The following THSD7A variants were observed in gnomAD, a reference collection of about 807,000 sequenced individuals.
THSD7A encodes the protein thrombospondin type-1 domain-containing protein 7A.
THSD7A carries 96 observed loss-of-function variants against 231.3 expected under a neutral mutation model. The ratio of observed to expected loss-of-function variants is 0.41; its 90% CI spans 0.35 to 0.49. The LOEUF is 0.49. THSD7A is among the 20% of genes least tolerant of loss of function. THSD7A has a pLI of 0.05. For missense variants in THSD7A, 2,290 were observed against 2,070.2 expected (o/e 1.11, Z -2.06); for synonymous variants, 940 against 743.3 (o/e 1.26, Z -4.30).
At chr7:11,407,639 T>C (rs141248089) in intron 19 of THSD7A, among the ~76,000 whole-genome samples, 1,778 of 152,322 alleles carry the variant, frequency 0.012, 83 homozygotes, top group Admixed American at 0.076. Context: ...AAGGGGCCCA[T>C]TGAATCTATA....
intron 6 of THSD7A, among the ~76,000 whole-genome samples, chr7:11,504,852 T>C (rs1299717463): frequency 6.6e-6 from 1 of 151,980 alleles, no homozygotes; most frequent in Non-Finnish European, 1.5e-5. Context: ...ATTGCATTTA[T>C]TTGTAAATTT....
intron 6 of THSD7A, among the ~76,000 whole-genome samples, chr7:11,526,925 TTCTC>T (rs1383504057): frequency 6.6e-6 from 1 of 152,206 alleles, no homozygotes; most frequent in Non-Finnish European, 1.5e-5. Context: ...TCAGCTAACT[TTCTC>T]TCTATTGCAC....
intron 1 of THSD7A, among the ~76,000 whole-genome samples, chr7:11,727,593 T>G (rs112377891): frequency 2.0e-5 from 3 of 151,932 alleles, no homozygotes; most frequent in Non-Finnish European, 4.4e-5. Flanking sequence ...CTTTGGACAA[T>G]GAGTAGATGT....
chr7:11,502,043 C>T (rs61556694), intron 6 of THSD7A, among the ~76,000 whole-genome samples: 25,475 of 151,962 alleles, frequency 0.17, 2,343 homozygotes, highest in South Asian at 0.26. Context: ...GATGGATAAA[C>T]TCCTGGACAT....
At chr7:11,788,560 C>T (rs10279006) in intron 1 of THSD7A, among the ~76,000 whole-genome samples, 5,930 of 152,074 alleles carry the variant, frequency 0.039, 140 homozygotes, top group East Asian at 0.11. Flanking sequence ...CCGAGAGTAT[C>T]TTTTAAAATT....
chr7:11,728,470 C>G (rs2355070), intron 1 of THSD7A, among the ~76,000 whole-genome samples: 126,696 of 151,882 alleles, frequency 0.83, 53,410 homozygotes, highest in African/African-American at 0.95. Flanking sequence ...TTGAAGGCTG[C>G]ACAAAGTGTG....
intron 26 of THSD7A, chr7:11,378,709 T>C (rs1474391735): frequency 4.3e-6 from 1 of 232,664 alleles, no homozygotes; most frequent in African/African-American, 2.3e-5. Context: ...TTCTGGAATG[T>C]CTTTATAGTC....
At chr7:11,817,296 G>C (rs1368192859) in intron 1 of THSD7A, among the ~76,000 whole-genome samples, 2 of 152,158 alleles carry the variant, frequency 1.3e-5, no homozygotes, top group African/African-American at 4.8e-5. Context: ...GGTTTTACAA[G>C]CAAAGGAACT....
chr7:11,802,109 G>T (rs1784293266), intron 1 of THSD7A, among the ~76,000 whole-genome samples: 1 of 152,056 alleles, frequency 6.6e-6, no homozygotes, highest in Non-Finnish European at 1.5e-5. Context: ...AAATTTCCTG[G>T]TTTTAGAGTA....
intron 23 of THSD7A, chr7:11,383,820 A>G (rs1782621184): frequency 6.6e-6 from 1 of 151,954 alleles, no homozygotes; most frequent in African/African-American, 2.4e-5. Context: ...TGGAACAGTG[A>G]TTCTTAAAGT....
chr7:11,507,588 T>C (rs909125187), intron 6 of THSD7A, among the ~76,000 whole-genome samples: 4 of 125,132 alleles, frequency 3.2e-5, no homozygotes, highest in Admixed American at 2.4e-4. Context: ...GACTCTTCCA[T>C]GAAATAATGT....
chr7:11,667,672 G>A (rs1272603956), intron 1 of THSD7A, among the ~76,000 whole-genome samples: 1 of 152,044 alleles, frequency 6.6e-6, no homozygotes, highest in Non-Finnish European at 1.5e-5. Context: ...TTAAAATGCC[G>A]ATACATGTTA....
intron 6 of THSD7A, among the ~76,000 whole-genome samples, chr7:11,509,030 C>A (rs1381473544): frequency 6.6e-6 from 1 of 151,966 alleles, no homozygotes; most frequent in Admixed American, 6.6e-5. Context: ...TACCAACAGC[C>A]AAGAATAATG....
chr7:11,678,958 T>C (rs1277619795), intron 1 of THSD7A, among the ~76,000 whole-genome samples: 1 of 152,202 alleles, frequency 6.6e-6, no homozygotes, highest in Non-Finnish European at 1.5e-5. Flanking sequence ...GATAAAATTC[T>C]GGCAAACCAA....
chr7:11,682,284 A>G (rs1427419399), intron 1 of THSD7A, among the ~76,000 whole-genome samples: 2 of 152,132 alleles, frequency 1.3e-5, no homozygotes, highest in South Asian at 4.1e-4. Context: ...AACAGCCTCA[A>G]TGCTCTACTT....
chr7:11,392,131 C>T (rs1351721722), intron 23 of THSD7A, among the ~76,000 whole-genome samples: 1 of 152,060 alleles, frequency 6.6e-6, no homozygotes, highest in African/African-American at 2.4e-5. Context: ...ACAGTGCCAG[C>T]CTGCAGCTTC....
intron 2 of THSD7A, among the ~76,000 whole-genome samples, chr7:11,614,855 G>A (rs1051959530): frequency 7.9e-5 from 12 of 152,182 alleles, no homozygotes; most frequent in African/African-American, 2.9e-4. Context: ...AAGAAGAGAT[G>A]AAGTGCAGTG....
intron 1 of THSD7A, among the ~76,000 whole-genome samples, chr7:11,825,386 G>A (rs964248661): frequency 3.9e-5 from 6 of 152,030 alleles, no homozygotes; most frequent in African/African-American, 7.2e-5. Flanking sequence ...CTCAAAGTCC[G>A]TGTTCTTTCC....
chr7:11,755,501 A>T (rs1251813707), intron 1 of THSD7A, among the ~76,000 whole-genome samples: 1 of 152,180 alleles, frequency 6.6e-6, no homozygotes, highest in Non-Finnish European at 1.5e-5. Context: ...AGGCTTGGAA[A>T]GTCAGGGAAG....
Sources: allele counts gnomAD v4.1 joint callset (sites outside exome capture counted in the v4.1 genomes callset), GRCh38; gene constraint gnomAD v4.1.1; transcripts MANE v1.5; gene names NCBI Gene and HGNC (gene_info 2026-07-23, HGNC 2026-07-21).